PRKCH: variants seen among roughly 807,000 people sequenced by gnomAD.
The protein encoded by PRKCH is protein kinase C eta type.
A neutral mutation model predicts 82.5 loss-of-function variants in PRKCH; 28 were observed. That is an observed-to-expected ratio of 0.34 (90% confidence interval 0.25 to 0.47). PRKCH has a LOEUF of 0.47. Among genes scored for constraint, PRKCH ranks in the 20% least tolerant of loss-of-function variants. The probability of loss-of-function intolerance (pLI) is 1.00; values close to 1 mark genes in which losing one functional copy is unlikely to be tolerated. For synonymous variants in PRKCH, 322 were observed against 327.4 expected, an observed-to-expected ratio of 0.98 and a Z score of 0.18; for missense variants, 705 against 881.8, an observed-to-expected ratio of 0.80 and a Z score of 2.54.
Position 61,529,005 on chromosome 14 carries a change from T to TGTGTGC in PRKCH, c.1434-69_1434-68insTGTGCG, listed in dbSNP as rs1491304992. On this transcript the variant is annotated intron_variant, in intron 10 of 13. Coordinates refer to ENST00000332981, the MANE Select transcript of PRKCH (RefSeq NM_006255.5). ...GTGTGTGTGTGTGTGTGTGTGTGTG[T>TGTGTGC]GCCCATTCTGAGAGGTGGATGGTTT... 389 of 1,460,658 alleles carry TGTGTGC rather than the reference T, an allele frequency of 2.7e-4. 10 individuals are homozygous for TGTGTGC. In the African/African-American group the frequency reaches 4.6e-3, roughly 17 times the overall value. 90.5% of individuals were successfully genotyped at this position (1,460,658 alleles called of 1,614,324 possible). A position where few individuals can be genotyped will look rare whatever the true frequency, so the allele number is the denominator to read the frequency against.
At chr14:61,417,622 C>T (rs1363160053) in intron 2 of PRKCH, among the ~76,000 whole-genome samples, 1 of 152,134 alleles carries the variant, frequency 6.6e-6, no homozygotes, top group African/African-American at 2.4e-5. Context: ...ATATGTTAGG[C>T]TTATTTTTCA....
At chr14:61,494,890 G>A (rs10140288) in intron 10 of PRKCH, among the ~76,000 whole-genome samples, 143,761 of 152,312 alleles carry the variant, frequency 0.94, 68,351 homozygotes, top group East Asian at 1. Flanking sequence ...CAATATTTTG[G>A]AATTGCAAGT....
At chr14:61,439,986 T>A (rs1295380309) in intron 2 of PRKCH, among the ~76,000 whole-genome samples, 2 of 152,202 alleles carry the variant, frequency 1.3e-5, no homozygotes, top group Non-Finnish European at 2.9e-5. Context: ...ATTAAGGGAT[T>A]AAAAAGTTAA....
chr14:61,510,491 G>A (rs898289680), intron 10 of PRKCH, among the ~76,000 whole-genome samples: 8 of 152,220 alleles, frequency 5.3e-5, no homozygotes, highest in South Asian at 2.1e-4. Context: ...AGGAGTAGGC[G>A]TTAAAGATGA....
chr14:61,530,651 G>A, intron 12 of PRKCH, 56 bp downstream of exon 12: 1 of 1,512,984 alleles, frequency 6.6e-7, no homozygotes, highest in Non-Finnish European at 8.9e-7. Context: ...CTTGTTTCAT[G>A]TGCTGCTTGA....
intron 1 of PRKCH, among the ~76,000 whole-genome samples, chr14:61,239,582 C>A (rs905430787): frequency 1.3e-5 from 2 of 152,220 alleles, no homozygotes; most frequent in Non-Finnish European, 2.9e-5. Context: ...GGCTAATGTG[C>A]TCTTGCGCCT....
At chr14:61,255,354 A>G (rs2044988008) in intron 1 of PRKCH, among the ~76,000 whole-genome samples, 1 of 152,190 alleles carries the variant, frequency 6.6e-6, no homozygotes, top group Non-Finnish European at 1.5e-5. Flanking sequence ...TAAACTTGAC[A>G]CTTGTGAGAC....
chr14:61,244,760 C>T (rs148719233), intron 1 of PRKCH, among the ~76,000 whole-genome samples: 4 of 152,256 alleles, frequency 2.6e-5, no homozygotes, highest in South Asian at 2.1e-4. Flanking sequence ...GGCTTTAGTC[C>T]GCCCTCAACT....
intron 1 of PRKCH, among the ~76,000 whole-genome samples, chr14:61,389,708 A>G (rs2046645644): frequency 6.6e-6 from 1 of 152,012 alleles, no homozygotes; most frequent in African/African-American, 2.4e-5. Flanking sequence ...CAAAAAAAAA[A>G]AAAAAGAGAA....
intron 1 of PRKCH, among the ~76,000 whole-genome samples, chr14:61,323,572 C>T (rs1486516241): frequency 6.6e-6 from 1 of 152,096 alleles, no homozygotes; most frequent in Non-Finnish European, 1.5e-5. Context: ...GATGAAGGCT[C>T]ATTTAGGTAT....
At chr14:61,530,641 C>T in intron 12 of PRKCH, 46 bp downstream of exon 12, 1 of 1,529,196 alleles carries the variant, frequency 6.5e-7, no homozygotes, top group Non-Finnish European at 8.8e-7. Context: ...TGCAAACCAG[C>T]TTGTTTCATG....
chr14:61,390,023 A>T (rs1250925649), intron 1 of PRKCH, among the ~76,000 whole-genome samples: 1 of 152,248 alleles, frequency 6.6e-6, no homozygotes, highest in African/African-American at 2.4e-5. Context: ...GAAAAATAAA[A>T]TAAAAATGGA....
At chr14:61,371,583 G>T (rs2046364552) in intron 1 of PRKCH, among the ~76,000 whole-genome samples, 1 of 152,016 alleles carries the variant, frequency 6.6e-6, no homozygotes, top group South Asian at 2.1e-4. Context: ...AGACCACACA[G>T]GCAGGCATAG....
intron 10 of PRKCH, among the ~76,000 whole-genome samples, chr14:61,487,784 G>A (rs1308233495): frequency 2.7e-5 from 4 of 149,052 alleles, no homozygotes. Flanking sequence ...CTTGAGCCTG[G>A]AAGTTTGAGG....
chr14:61,302,366 A>C (rs2140104934), intron 1 of PRKCH, among the ~76,000 whole-genome samples: 1 of 152,286 alleles, frequency 6.6e-6, no homozygotes, highest in East Asian at 1.9e-4. Context: ...ATGGCATATA[A>C]GCCCTGGGTC....
intron 1 of PRKCH, among the ~76,000 whole-genome samples, chr14:61,363,640 C>T (rs958975536): frequency 3.9e-5 from 6 of 152,080 alleles, no homozygotes; most frequent in African/African-American, 7.2e-5. Context: ...GTGAGTCTGA[C>T]GCTCTGGGAA....
At chr14:61,195,554 A>G (rs945674827) in intron 1 of PRKCH, among the ~76,000 whole-genome samples, 9 of 152,268 alleles carry the variant, frequency 5.9e-5, no homozygotes, top group African/African-American at 2.2e-4. Flanking sequence ...GTAAATGGTT[A>G]CATTAAATGT....
intron 1 of PRKCH, among the ~76,000 whole-genome samples, chr14:61,199,618 CA>C (rs1451715757): frequency 3.8e-5 from 3 of 79,710 alleles, no homozygotes; most frequent in Admixed American, 1.5e-4. Flanking sequence ...GTTTTTGTTT[CA>C]TTTTTTTTTT....
intron 1 of PRKCH, among the ~76,000 whole-genome samples, chr14:61,211,370 C>G (rs1286281938): frequency 6.6e-6 from 1 of 152,202 alleles, no homozygotes; most frequent in African/African-American, 2.4e-5. Context: ...GTGACCATCC[C>G]TATCCCAGAA....
Sources: gnomAD v4.1 joint callset for allele counts (sites outside exome capture counted in the v4.1 genomes callset) on GRCh38, gnomAD v4.1.1 for gene constraint, MANE v1.5 for transcripts, NCBI Gene and HGNC (gene_info 2026-07-23, HGNC 2026-07-21) for gene names.